The following CIPC variants were observed in gnomAD, a reference collection of about 807,000 sequenced individuals.
CIPC encodes the protein CLOCK-interacting pacemaker.
A neutral mutation model predicts 26.7 loss-of-function variants in CIPC; 12 were observed. That is an observed-to-expected ratio of 0.45 (90% CI 0.29 to 0.73). The LOEUF (loss-of-function observed/expected upper bound fraction) is 0.73, where lower values mean the gene tolerates loss of function less well. Ranked by LOEUF, CIPC falls within the 30% of genes least tolerant of loss-of-function variation. CIPC has a pLI of 0.12. For synonymous variants in CIPC, 170 were observed against 189.8 expected, an observed-to-expected ratio of 0.90 and a Z score of 0.86; for missense variants, 417 against 486.5, an observed-to-expected ratio of 0.86 and a Z score of 1.34.
At position 77,114,104 on chromosome 14, in the gene CIPC, TG is replaced by T. The variant is rs1437368518; in HGVS notation, c.987del (p.Leu329PhefsTer6). On this transcript the variant is annotated frameshift_variant, in exon 4 of 4. Coordinates refer to ENST00000361786, the MANE Select transcript of CIPC (RefSeq NM_033426.3). LOFTEE classifies it high-confidence loss of function. ...NTLVVLHKSGLLEITLKTKEL... is the reference protein window; with the variant it reads ...NTLVVLHKSGXLEITLKTKEL... The stretch of plus-strand genomic sequence containing the variant: ...CTAGTAGTCCTACATAAATCTGGTT[TG>T]CTGGAGATCACTTTGAAAACCAAGG... 6.2e-7 allele frequency: 1 copy of T among 1,613,990 alleles called. No individual in the cohort carries two copies.
At position 77,109,822 on chromosome 14, in the gene CIPC, G is replaced by A. The variant is rs201990696; in HGVS notation, c.147G>A (p.Ser49=). The A allele has an allele frequency of 2.0e-4, 325 of 1,611,830 alleles. 3 individuals are homozygous for A. The East Asian group carries it at 5.4e-3, about 27-fold the overall frequency. The change falls in exon 3 of 4, where the codon TCG becomes TCA. Residue 49 remains serine, a synonymous_variant. Transcript: ENST00000361786. Reference sequence around the variant, plus strand: ...TCTTCTGCCCACCAGATGGGAGCTCGGAATGTCTGAGCTCTGCAGAGCAGA... The same window carrying A: ...TCTTCTGCCCACCAGATGGGAGCTCAGAATGTCTGAGCTCTGCAGAGCAGA... The part of the protein sequence containing the change: ...DKDSGFSDGS[S]ECLSSAEQME...
intron 2 of CIPC, among the ~76,000 whole-genome samples, chr14:77,107,695 A>C (rs1032492088): frequency 1.3e-5 from 2 of 152,020 alleles, no homozygotes; most frequent in Non-Finnish European, 2.9e-5. Flanking sequence ...AATTGCAAAC[A>C]CTTGACATTT....
In CIPC at chr14:77,114,704, T is replaced by C. The variant is rs756169161; in HGVS notation, c.*386T>C. ...GAATGAGCATACAGAGCAACACCTG[T>C]TGAGCCAGGGAGTAGGTGACACAAG... On this transcript the variant is annotated 3_prime_UTR_variant, in exon 4 of 4. Coordinates refer to ENST00000361786, the MANE Select transcript of CIPC (RefSeq NM_033426.3). The C allele has an allele frequency of 2.9e-5, 5 of 171,500 alleles. No homozygotes were observed. Among genetic ancestry groups the C allele is most frequent in the Non-Finnish European group, 5.1e-5 (4 of 78,540 alleles). 10.6% of individuals were successfully genotyped at this position (171,500 alleles called of 1,614,324 possible).
chr14:77,110,534 T>C (rs1350874144), intron 3 of CIPC, among the ~76,000 whole-genome samples: 5 of 152,210 alleles, frequency 3.3e-5, no homozygotes, highest in Non-Finnish European at 5.9e-5. Flanking sequence ...CCACACAGTG[T>C]TGTGGAGTGG....
At chr14:77,102,272 C>T (rs1482198842) in intron 1 of CIPC, among the ~76,000 whole-genome samples, 1 of 152,134 alleles carries the variant, frequency 6.6e-6, no homozygotes, top group East Asian at 1.9e-4. Context: ...CAAGACAGGT[C>T]AGATAATTTC....
At chr14:77,113,267 C>G (rs1886738593) in intron 3 of CIPC, 158 bp from the exon 4 acceptor site, 6 of 763,996 alleles carry the variant, frequency 7.9e-6, no homozygotes, top group Non-Finnish European at 1.3e-5. Context: ...TTTGTGATAT[C>G]AGACACAAAT....
At position 77,114,301 on chromosome 14, in the gene CIPC, G is replaced by A. The variant is rs376983062; in HGVS notation, c.1183G>A (p.Asp395Asn). ...AGGCAGTGACCTAGAAGCATTCTCT[G>A]ATCACCCAGCCATATAGCACAGAGG... ...NTGSDLEAFS[D>N]HPAI The change falls in exon 4 of 4, where the codon GAT becomes AAT. Residue 395 changes from aspartate to asparagine, a missense_variant. Transcript: ENST00000361786. 10 of 1,610,120 alleles carry A rather than the reference G, an allele frequency of 6.2e-6. 1 individual carries two copies. In the African/African-American group the frequency reaches 8.0e-5, roughly 13 times the overall value.
In CIPC at chr14:77,113,378, C is replaced by T. The variant is rs769238045; in HGVS notation, c.307-47C>T. 4 of 1,607,168 alleles carry T rather than the reference C, an allele frequency of 2.5e-6. No homozygotes were observed. In the African/African-American group the frequency reaches 5.3e-5, roughly 21 times the overall value. On this transcript the variant is annotated intron_variant, in intron 3 of 3. Coordinates refer to ENST00000361786, the MANE Select transcript of CIPC (RefSeq NM_033426.3). The stretch of plus-strand genomic sequence containing the variant: ...TTGACAGAAGCTTCACTCCTCTATC[C>T]TTTCAGCAGTAATGAGTAGTGTGCT...
At chr14:77,104,294 G>A (rs1317047930) in intron 1 of CIPC, among the ~76,000 whole-genome samples, 1 of 152,170 alleles carries the variant, frequency 6.6e-6, no homozygotes, top group African/African-American at 2.4e-5. Context: ...TAGGCTGAGG[G>A]GAGGATCGCT....
At chr14:77,108,678 C>G (rs1332819846) in intron 2 of CIPC, among the ~76,000 whole-genome samples, 1 of 151,266 alleles carries the variant, frequency 6.6e-6, no homozygotes, top group Non-Finnish European at 1.5e-5. Flanking sequence ...GCAACAAGAG[C>G]GAAACTCTGT....
chr14:77,104,233 CAA>C (rs1027357671), intron 1 of CIPC, among the ~76,000 whole-genome samples: 23 of 152,062 alleles, frequency 1.5e-4, no homozygotes, highest in African/African-American at 5.3e-4. Context: ...CTACAAAAAA[CAA>C]AAAATTAGCC....
intron 2 of CIPC, among the ~76,000 whole-genome samples, chr14:77,107,658 A>ACT (rs55735817): frequency 0.01 from 1,503 of 145,238 alleles, 32 homozygotes; most frequent in East Asian, 0.091. Context: ...ACACACACAC[A>ACT]CTCTCTCTCT....
intron 3 of CIPC, among the ~76,000 whole-genome samples, chr14:77,110,740 T>G (rs373292185): frequency 2.0e-5 from 3 of 152,344 alleles, no homozygotes; most frequent in African/African-American, 7.2e-5. Context: ...CCAAAGAAAT[T>G]TAATCTTACC....
At position 77,113,577 on chromosome 14, in the gene CIPC, C is replaced by T; in HGVS notation, c.459C>T (p.Tyr153=). Residue 153 remains tyrosine, a synonymous_variant, in exon 4 of 4, where the codon TAC becomes TAT. Coordinates refer to ENST00000361786, the MANE Select transcript of CIPC (RefSeq NM_033426.3). The part of the protein sequence containing the change: ...TGEKKSDSRN[Y]LPILNSYTKI... ...AGAAAAAGTCCGACTCCAGGAACTA[C>T]TTGCCCATTCTGAATTCTTACACCA... 1 of 1,614,242 alleles carries T rather than the reference C, an allele frequency of 6.2e-7. No individual in the cohort carries two copies. Among genetic ancestry groups the T allele is most frequent in the Non-Finnish European group, 8.5e-7 (1 of 1,180,046 alleles).
intron 1 of CIPC, among the ~76,000 whole-genome samples, chr14:77,104,603 G>C (rs1031870273): frequency 4.1e-5 from 6 of 145,100 alleles, no homozygotes; most frequent in African/African-American, 1.7e-4. Flanking sequence ...TCAGTTCTTT[G>C]TTTGTGCCAA....
At position 77,113,852 on chromosome 14, in the gene CIPC, C is replaced by T. The variant is rs912289078; in HGVS notation, c.734C>T (p.Pro245Leu). 9 of 1,614,134 alleles carry T rather than the reference C, an allele frequency of 5.6e-6. No individual in the cohort carries two copies. Among genetic ancestry groups the T allele is most frequent in the Non-Finnish European group, 7.6e-6 (9 of 1,180,028 alleles). The part of the protein sequence containing the change: ...VAGGSPQTLQ[P>L]VSSSHVAKAP... ...GGTGGAAGTCCACAGACTCTTCAGC[C>T]GGTATCCAGCAGTCACGTGGCTAAA... Residue 245 changes from proline (P) to leucine (L), a missense_variant, in exon 4 of 4, where the codon CCG (proline) becomes CTG (leucine). By Grantham distance (98) the Pro-to-Leu change is moderately conservative. Coordinates refer to ENST00000361786, the MANE Select transcript of CIPC (RefSeq NM_033426.3).
chr14:77,113,688 T>C lies in CIPC; in HGVS notation c.570T>C (p.Thr190=), dbSNP rs778541693. 3 of 1,613,244 alleles carry C rather than the reference T, an allele frequency of 1.9e-6. No individual in the cohort carries two copies. Among genetic ancestry groups the C allele is most frequent in the Non-Finnish European group, 2.5e-6 (3 of 1,179,502 alleles). Residue 190 remains threonine, a synonymous_variant, in exon 4 of 4, where the codon ACT becomes ACC. Coordinates refer to ENST00000361786, the MANE Select transcript of CIPC (RefSeq NM_033426.3). Reference sequence around the variant, plus strand: ...GTGGAGTGCAGAAGAAAATCTGTACTGAGAGACTTGGGCCTAGCTTGTCTT... The same window carrying C: ...GTGGAGTGCAGAAGAAAATCTGTACCGAGAGACTTGGGCCTAGCTTGTCTT... ...GTSGVQKKIC[T]ERLGPSLSSS...
intron 1 of CIPC, 90 bp from the exon 2 acceptor site, chr14:77,105,567 C>T: frequency 5.0e-6 from 4 of 805,224 alleles, no homozygotes; most frequent in Non-Finnish European, 7.8e-6. Flanking sequence ...GTGGGTGAGG[C>T]CAGTGTTCTT....
rs577975056 is a variant in CIPC at position 77,109,894 on chromosome 14, C to G, written c.219C>G (p.Asp73Glu). The G allele has an allele frequency of 7.4e-6, 12 of 1,614,202 alleles. No homozygotes were observed. In the East Asian group the frequency reaches 2.7e-4, roughly 36 times the overall value. ...MLSALGWSRE[D>E]RPRQNSKTAK... is the part of the protein sequence containing the mutation. The stretch of plus-strand genomic sequence containing the variant: ...GCGCCTTAGGCTGGAGCAGAGAAGA[C>G]AGGCCGAGGCAGAACTCCAAAACTG... The change falls in exon 3 of 4, where the codon GAC becomes GAG. Residue 73 changes from aspartate (D) to glutamate (E), a missense_variant. Physicochemically the swap from Asp to Glu is conservative, Grantham distance 45. Transcript: ENST00000361786.
Sources: gnomAD v4.1 joint callset for allele counts (sites outside exome capture counted in the v4.1 genomes callset) on GRCh38, gnomAD v4.1.1 for gene constraint, MANE v1.5 for transcripts, NCBI Gene and HGNC (gene_info 2026-07-23, HGNC 2026-07-21) for gene names.